Variants in GAS7 observed in about 807,000 individuals in gnomAD.
The protein encoded by GAS7 is growth arrest specific 7, also known as growth arrest-specific protein 7.
GAS7 carries 28 observed loss-of-function variants against 71.1 expected under a neutral mutation model. That is an observed-to-expected ratio of 0.39 (90% confidence interval 0.29 to 0.54). The LOEUF (loss-of-function observed/expected upper bound fraction) is 0.54, where lower values mean the gene tolerates loss of function less well. GAS7 is among the 20% of genes least tolerant of loss of function. The pLI, the probability that GAS7 is intolerant of heterozygous loss-of-function variation, is 0.62. For missense variants in GAS7, 436 were observed against 627.8 expected, an observed-to-expected ratio of 0.69 and a Z score of 3.27; for synonymous variants, 258 against 245.8, an observed-to-expected ratio of 1.05 and a Z score of -0.46.
chr17:10,039,364 T>C (rs2072818401), intron 1 of GAS7, among the ~76,000 whole-genome samples: 1 of 151,792 alleles, frequency 6.6e-6, no homozygotes. Context: ...CTCTTGGCAA[T>C]GGTGAAGAGA....
At chr17:10,005,328 T>C (rs190235788) in intron 2 of GAS7, among the ~76,000 whole-genome samples, 9,350 of 149,054 alleles carry the variant, frequency 0.063, 418 homozygotes, top group East Asian at 0.15. Flanking sequence ...CATATATATA[T>C]ACACACACAC....
rs1316048578 is a variant in GAS7 at position 9,912,985 on chromosome 17, T to C, written c.*4243A>G. 4.3e-6 allele frequency: 1 copy of C among 232,822 alleles called. No homozygotes were observed. Among genetic ancestry groups the C allele is most frequent in the African/African-American group, 2.2e-5 (1 of 45,312 alleles). 14.4% of individuals were successfully genotyped at this position (232,822 alleles called of 1,614,324 possible). A position where few individuals can be genotyped will look rare whatever the true frequency, so the allele number is the denominator to read the frequency against. ...CGACATCAGTGTGACTCCATTTATA[T>C]GACATTCTAGAAAAGGCAAAATTAT... On this transcript the variant is annotated 3_prime_UTR_variant, in exon 14 of 14. Transcript: ENST00000432992.
intron 1 of GAS7, among the ~76,000 whole-genome samples, chr17:10,102,500 A>G (rs2073713092): frequency 6.6e-6 from 1 of 152,116 alleles, no homozygotes. Flanking sequence ...TGGCCTCCGC[A>G]TGCTGATTTT....
intron 1 of GAS7, among the ~76,000 whole-genome samples, chr17:10,069,578 C>T (rs996065913): frequency 2.6e-5 from 4 of 152,220 alleles, no homozygotes; most frequent in Admixed American, 1.3e-4. Context: ...GCCTTAGAGA[C>T]GCAAAGCGAC....
At chr17:10,019,643 T>G (rs2072182076) in intron 2 of GAS7, 134 bp downstream of exon 2, 1 of 829,148 alleles carries the variant, frequency 1.2e-6, no homozygotes, top group Non-Finnish European at 1.9e-6. Context: ...AAGACTTTAC[T>G]GTAGCCCCTG....
At chr17:10,093,405 A>T (rs1489037552) in intron 1 of GAS7, among the ~76,000 whole-genome samples, 1 of 151,962 alleles carries the variant, frequency 6.6e-6, no homozygotes, top group African/African-American at 2.4e-5. Context: ...CCCAGTCTCT[A>T]CTAAACATAC....
At chr17:9,939,673 G>A (rs980223206) in intron 8 of GAS7, among the ~76,000 whole-genome samples, 4 of 151,514 alleles carry the variant, frequency 2.6e-5, no homozygotes, top group Admixed American at 1.3e-4. Context: ...GCAGTGGCCC[G>A]ATCGCAGCTC....
At chr17:9,989,368 C>G (rs969775218) in intron 2 of GAS7, among the ~76,000 whole-genome samples, 2 of 152,108 alleles carry the variant, frequency 1.3e-5, no homozygotes, top group African/African-American at 4.8e-5. Flanking sequence ...ATTTGAGGGC[C>G]TATTCTGTGT....
intron 1 of GAS7, among the ~76,000 whole-genome samples, chr17:10,127,438 G>A (rs569025785): frequency 2.0e-5 from 3 of 152,212 alleles, no homozygotes; most frequent in East Asian, 3.9e-4. Flanking sequence ...CCGAGTCCAC[G>A]GCCTGGAGGA....
intron 2 of GAS7, among the ~76,000 whole-genome samples, chr17:10,010,812 G>A (rs1289388362): frequency 1.3e-5 from 2 of 152,176 alleles, no homozygotes; most frequent in African/African-American, 4.8e-5. Context: ...TCTAGTGAAT[G>A]AGTATCACTT....
chr17:9,998,091 G>A (rs1217833626), intron 2 of GAS7, among the ~76,000 whole-genome samples: 1 of 152,204 alleles, frequency 6.6e-6, no homozygotes, highest in Non-Finnish European at 1.5e-5. Context: ...TGGGGTAGGC[G>A]CTGAAGTTCC....
chr17:10,102,340 T>C (rs2073710763), intron 1 of GAS7, among the ~76,000 whole-genome samples: 1 of 151,968 alleles, frequency 6.6e-6, no homozygotes, highest in African/African-American at 2.4e-5. Flanking sequence ...AAGGGTAATT[T>C]GTACAAAGAG....
At chr17:9,930,717 C>A (rs111544304) in intron 9 of GAS7, among the ~76,000 whole-genome samples, 11 of 151,818 alleles carry the variant, frequency 7.2e-5, no homozygotes, top group African/African-American at 2.7e-4. Flanking sequence ...TTCAATAAGT[C>A]TTTTGGAGCA....
rs116042968 is a variant in GAS7 at position 9,940,035 on chromosome 17, G to A, written c.806+91C>T. On this transcript the variant is annotated intron_variant, in intron 8 of 13. Transcript: ENST00000432992. The stretch of plus-strand genomic sequence containing the variant: ...TATGGAGAGCTCCCCATCCAAAGTG[G>A]GGCCATGCCAGTGATCAGTGATAGT... 1,878 of 821,592 alleles carry A rather than the reference G, an allele frequency of 2.3e-3. 27 individuals carry two copies. The African/African-American group carries it at 0.029, about 13-fold the overall frequency. 50.9% of individuals were successfully genotyped at this position (821,592 alleles called of 1,614,324 possible).
intron 4 of GAS7, among the ~76,000 whole-genome samples, chr17:9,968,871 A>G (rs2069834235): frequency 6.6e-6 from 1 of 152,168 alleles, no homozygotes; most frequent in Admixed American, 6.5e-5. Flanking sequence ...CATCATTTTC[A>G]TTATCACCTC....
intron 1 of GAS7, among the ~76,000 whole-genome samples, chr17:10,125,067 T>TAAA (rs34878954): frequency 1.4e-5 from 2 of 138,092 alleles, no homozygotes; most frequent in South Asian, 2.3e-4. Context: ...TTAATAGCAG[T>TAAA]AAAAAAAAAA....
chr17:10,101,955 C>A (rs1162281221), intron 1 of GAS7, among the ~76,000 whole-genome samples: 1 of 152,040 alleles, frequency 6.6e-6, no homozygotes, highest in Non-Finnish European at 1.5e-5. Context: ...GGTCTGGGAC[C>A]AGCAGAGACT....
At chr17:10,183,025 A>C (rs943665404) in intron 1 of GAS7, among the ~76,000 whole-genome samples, 6 of 152,108 alleles carry the variant, frequency 3.9e-5, no homozygotes, top group African/African-American at 1.4e-4. Flanking sequence ...GCCCAGCCTG[A>C]GGAGCAGCAA....
At chr17:9,918,180 A>C in intron 12 of GAS7, 81 bp from the exon 13 acceptor site, 1 of 914,698 alleles carries the variant, frequency 1.1e-6, no homozygotes, top group South Asian at 1.4e-5. Flanking sequence ...ACAAAACGCA[A>C]GTCACTGGCT....
Sources: gnomAD v4.1 joint callset for allele counts (sites outside exome capture counted in the v4.1 genomes callset) on GRCh38, gnomAD v4.1.1 for gene constraint, MANE v1.5 for transcripts, NCBI Gene and HGNC (gene_info 2026-07-23, HGNC 2026-07-21) for gene names.